CPPED1: variants seen among roughly 807,000 people sequenced by gnomAD.
The protein encoded by CPPED1 is serine/threonine-protein phosphatase CPPED1.
Under a neutral mutation model 28.0 loss-of-function variants are expected in CPPED1, and 28 were observed. That is an observed-to-expected ratio of 1.00 (90% CI 0.74 to 1.37). The LOEUF is 1.37. Among genes scored for constraint, CPPED1 ranks in the 40% most tolerant of loss-of-function variants. CPPED1 has a pLI of 0.00. For missense variants in CPPED1, 504 were observed against 416.5 expected (o/e 1.21, Z -1.83); for synonymous variants, 198 against 180.2 (o/e 1.10, Z -0.79).
At chr16:12,715,177 G>A (rs1483152242) in intron 2 of CPPED1, among the ~76,000 whole-genome samples, 4 of 152,142 alleles carry the variant, frequency 2.6e-5, no homozygotes, top group Non-Finnish European at 5.9e-5. Context: ...CAGTACCATA[G>A]TGTTTTGATG....
intron 1 of CPPED1, among the ~76,000 whole-genome samples, chr16:12,797,478 C>A (rs571045556): frequency 2.6e-5 from 4 of 151,468 alleles, no homozygotes; most frequent in African/African-American, 9.7e-5. Flanking sequence ...TGGCTTGAGC[C>A]CAGGAGGGGG....
intron 2 of CPPED1, among the ~76,000 whole-genome samples, chr16:12,732,781 T>C (rs1289677941): frequency 6.6e-6 from 1 of 152,206 alleles, no homozygotes; most frequent in Non-Finnish European, 1.5e-5. Flanking sequence ...TATCATTCTA[T>C]ACCCAGCCAA....
intron 3 of CPPED1, among the ~76,000 whole-genome samples, chr16:12,668,660 C>T (rs1028214654): frequency 6.6e-6 from 1 of 152,154 alleles, no homozygotes; most frequent in Non-Finnish European, 1.5e-5. Context: ...ACCCAATTAA[C>T]AAGCGGGAAA....
At chr16:12,772,997 C>A (rs2080478234) in intron 2 of CPPED1, among the ~76,000 whole-genome samples, 2 of 152,120 alleles carry the variant, frequency 1.3e-5, no homozygotes, top group African/African-American at 4.8e-5. Flanking sequence ...ATAAACAGCC[C>A]TTTGTCACTT....
intron 2 of CPPED1, among the ~76,000 whole-genome samples, chr16:12,735,609 A>C (rs1398855475): frequency 6.6e-6 from 1 of 152,166 alleles, no homozygotes; most frequent in Non-Finnish European, 1.5e-5. Flanking sequence ...TGGCACCCTA[A>C]AGATAAATTA....
chr16:12,752,423 C>A (rs1434905610), intron 2 of CPPED1, among the ~76,000 whole-genome samples: 2 of 151,986 alleles, frequency 1.3e-5, no homozygotes, highest in Non-Finnish European at 2.9e-5. Flanking sequence ...TGACAGCCCT[C>A]ACTTAATTCT....
At chr16:12,726,628 C>A (rs2080171545) in intron 2 of CPPED1, among the ~76,000 whole-genome samples, 1 of 152,048 alleles carries the variant, frequency 6.6e-6, no homozygotes, top group Admixed American at 6.6e-5. Context: ...CAGGCGTAAG[C>A]CACTGCACCA....
At chr16:12,760,331 A>C (rs1004314878) in intron 2 of CPPED1, 1 of 152,218 alleles carries the variant, frequency 6.6e-6, no homozygotes, top group Non-Finnish European at 1.5e-5. Context: ...TGGATACCAA[A>C]GGATGATGAT....
At chr16:12,722,563 C>A (rs1179649588) in intron 2 of CPPED1, among the ~76,000 whole-genome samples, 9 of 152,166 alleles carry the variant, frequency 5.9e-5, no homozygotes, top group Non-Finnish European at 1.2e-4. Context: ...ACGGCGAGAC[C>A]CTGTCTCTAC....
chr16:12,794,039 T>A (rs2080611814), intron 1 of CPPED1, among the ~76,000 whole-genome samples: 1 of 151,002 alleles, frequency 6.6e-6, no homozygotes, highest in African/African-American at 2.5e-5. Flanking sequence ...ATTTCAGCAG[T>A]TTAAAAAAAA....
chr16:12,745,513 T>C (rs1476515721), intron 2 of CPPED1, among the ~76,000 whole-genome samples: 2 of 152,202 alleles, frequency 1.3e-5, no homozygotes, highest in Non-Finnish European at 2.9e-5. Flanking sequence ...CGAGATCATG[T>C]CTTTTGCAGG....
intron 1 of CPPED1, among the ~76,000 whole-genome samples, chr16:12,801,052 C>T (rs1261639329): frequency 6.6e-6 from 1 of 152,156 alleles, no homozygotes; most frequent in Non-Finnish European, 1.5e-5. Flanking sequence ...CCATACTGGA[C>T]AGTGCAATAG....
intron 2 of CPPED1, among the ~76,000 whole-genome samples, chr16:12,716,569 C>G (rs907254612): frequency 1.3e-5 from 2 of 152,210 alleles, no homozygotes; most frequent in Admixed American, 1.3e-4. Context: ...GTGTTTGTGG[C>G]TACGCCCCTA....
intron 2 of CPPED1, among the ~76,000 whole-genome samples, chr16:12,730,271 G>A (rs980456022): frequency 2.0e-5 from 3 of 152,116 alleles, no homozygotes; most frequent in African/African-American, 4.8e-5. Context: ...CAAAGTGTTC[G>A]GATTACAGGT....
At chr16:12,794,203 TGGGGGCAGTTTCAGCAC>T (rs1191043732) in intron 1 of CPPED1, among the ~76,000 whole-genome samples, 1 of 134,160 alleles carries the variant, frequency 7.5e-6, no homozygotes. Context: ...TGGGGGTCTT[TGGGGGCAGTTTCAGCAC>T]GGGGTGCAGG....
intron 2 of CPPED1, among the ~76,000 whole-genome samples, chr16:12,731,562 C>T (rs1489172196): frequency 6.6e-6 from 1 of 151,838 alleles, no homozygotes; most frequent in East Asian, 1.9e-4. Context: ...AGCCCTCCAA[C>T]AGGAGTGGTC....
chr16:12,775,835 A>G (rs954651736), intron 2 of CPPED1, among the ~76,000 whole-genome samples: 3 of 152,222 alleles, frequency 2.0e-5, no homozygotes, highest in Non-Finnish European at 4.4e-5. Context: ...ATCAATTAAA[A>G]TGGAAATAGC....
chr16:12,790,648 C>T (rs765969579), intron 1 of CPPED1, among the ~76,000 whole-genome samples: 13 of 152,034 alleles, frequency 8.6e-5, no homozygotes, highest in Admixed American at 5.2e-4. Context: ...TGGCCGGTCG[C>T]GGTGGCTCAC....
rs564673889 is a variant in CPPED1, at chr16:12,740,255, G to C, written c.290-35206C>G. Among the ~76,000 whole-genome samples, 52 of 151,992 alleles carry C rather than the reference G, an allele frequency of 3.4e-4. No individual in the cohort carries two copies. The South Asian group carries it at 4.2e-3, about 12-fold the overall frequency. ...GAGGTCAGGAGTTCAACACCAGCCT[G>C]GCCAACATGGTGAAACCCCATCTCT... is the stretch of plus-strand genomic sequence containing the variant. On this transcript the variant is annotated intron_variant, in intron 2 of 3. Transcript: ENST00000381774.
Sources: allele counts gnomAD v4.1 joint callset (sites outside exome capture counted in the v4.1 genomes callset), GRCh38; gene constraint gnomAD v4.1.1; transcripts MANE v1.5; gene names NCBI Gene and HGNC (gene_info 2026-07-23, HGNC 2026-07-21).